The following INPP4B variants were observed in gnomAD, a reference collection of about 807,000 sequenced individuals.
INPP4B encodes inositol polyphosphate 4-phosphatase type II.
Under a neutral mutation model 122.5 loss-of-function variants are expected in INPP4B, and 55 were observed. The observed-to-expected ratio is 0.45, with a 90% CI of 0.36 to 0.56. INPP4B has a LOEUF of 0.56. Ranked by LOEUF, INPP4B falls within the 20% of genes least tolerant of loss-of-function variation. The pLI is 0.00. For synonymous variants in INPP4B, 403 were observed against 388.7 expected (o/e 1.04, Z -0.43); for missense variants, 1,000 against 1,097.7 (o/e 0.91, Z 1.26).
intron 2 of INPP4B, among the ~76,000 whole-genome samples, chr4:142,621,879 T>G (rs1309874879): frequency 2.0e-5 from 3 of 151,976 alleles, no homozygotes; most frequent in Non-Finnish European, 4.4e-5. Flanking sequence ...ATGCTTTAAG[T>G]AGTATAACTT....
At position 142,257,851 on chromosome 4, in the gene INPP4B, A is replaced by C. The variant is rs1287199392; in HGVS notation, c.688+2641T>G. On this transcript the variant is annotated intron_variant, in intron 11 of 25. Transcript: ENST00000262992. ...TTTCTTCACAGAATTGGAAAAAACT[A>C]CTTTCAAGTTCATATGGAACCAAAA... 2.6e-5 allele frequency among the ~76,000 whole-genome samples: 4 copies of C among 152,254 alleles called. No individual in the cohort carries two copies. The South Asian group carries it at 6.2e-4, about 24-fold the overall frequency.
intron 2 of INPP4B, among the ~76,000 whole-genome samples, chr4:142,574,138 T>G (rs533767969): frequency 1.1e-4 from 16 of 152,050 alleles, no homozygotes; most frequent in Admixed American, 3.3e-4. Context: ...TTCAAGACAT[T>G]ACAAAATTTG....
At chr4:142,195,659 G>A (rs999528036) in intron 14 of INPP4B, among the ~76,000 whole-genome samples, 12 of 152,062 alleles carry the variant, frequency 7.9e-5, no homozygotes, top group African/African-American at 2.9e-4. Context: ...TAAACTAAAT[G>A]TATTCTCACT....
intron 16 of INPP4B, among the ~76,000 whole-genome samples, chr4:142,162,092 C>T (rs953430351): frequency 6.6e-6 from 1 of 151,554 alleles, no homozygotes; most frequent in Non-Finnish European, 1.5e-5. Context: ...TACTTTACTG[C>T]TAAATTTTGT....
intron 12 of INPP4B, among the ~76,000 whole-genome samples, chr4:142,227,281 G>A (rs1048780516): frequency 2.6e-5 from 4 of 152,044 alleles, no homozygotes; most frequent in African/African-American, 9.7e-5. Flanking sequence ...AGGAGAATGC[G>A]CAGCCACAGC....
chr4:142,656,969 C>T (rs1754273327), intron 2 of INPP4B, among the ~76,000 whole-genome samples: 1 of 152,148 alleles, frequency 6.6e-6, no homozygotes, highest in African/African-American at 2.4e-5. Flanking sequence ...CTCCATCTTG[C>T]TTTACATCCT....
intron 7 of INPP4B, among the ~76,000 whole-genome samples, chr4:142,386,485 A>G (rs1014640060): frequency 2.0e-5 from 3 of 152,180 alleles, no homozygotes; most frequent in Admixed American, 2.0e-4. Flanking sequence ...ACCTAACTTA[A>G]TAGGTAGACA....
intron 2 of INPP4B, among the ~76,000 whole-genome samples, chr4:142,591,704 G>A (rs1440556103): frequency 1.3e-5 from 2 of 152,092 alleles, no homozygotes; most frequent in Non-Finnish European, 2.9e-5. Flanking sequence ...CCTCAACAGC[G>A]CTAAGTAATG....
At chr4:142,434,307 T>G (rs963938893) in intron 3 of INPP4B, among the ~76,000 whole-genome samples, 1 of 152,142 alleles carries the variant, frequency 6.6e-6, no homozygotes, top group Non-Finnish European at 1.5e-5. Flanking sequence ...GGAGACCAAG[T>G]CAGGGTTCAG....
intron 1 of INPP4B, among the ~76,000 whole-genome samples, chr4:142,761,379 T>G (rs1338519502): frequency 2.6e-5 from 4 of 152,108 alleles, no homozygotes; most frequent in African/African-American, 9.7e-5. Context: ...ATAGAGAAAA[T>G]GTACTACATC....
At chr4:142,394,926 C>A (rs566673218) in intron 7 of INPP4B, among the ~76,000 whole-genome samples, 2 of 152,234 alleles carry the variant, frequency 1.3e-5, no homozygotes, top group East Asian at 3.9e-4. Context: ...CTTCTAGTTC[C>A]TTTTAGTTTC....
chr4:142,139,509 G>A (rs918552402), intron 18 of INPP4B, among the ~76,000 whole-genome samples: 2 of 152,042 alleles, frequency 1.3e-5, no homozygotes, highest in African/African-American at 4.8e-5. Context: ...GTTTCCCCAT[G>A]TTGGCCAGGC....
chr4:142,474,480 G>T (rs1819481955), intron 2 of INPP4B: 1 of 151,516 alleles, frequency 6.6e-6, no homozygotes, highest in African/African-American at 2.4e-5. Context: ...TGACCACAGG[G>T]TGAGTAACCA....
chr4:142,680,356 T>C lies in INPP4B; in HGVS notation c.-191+45483A>G, dbSNP rs1022197991. 2.6e-4 allele frequency among the ~76,000 whole-genome samples: 40 copies of C among 151,864 alleles called. No homozygotes were observed. The Admixed American group carries it at 2.6e-3, about 10-fold the overall frequency. On this transcript the variant is annotated intron_variant, in intron 2 of 25. Coordinates refer to ENST00000262992, the MANE Select transcript of INPP4B (RefSeq NM_001101669.3). ...AAATCCTATTGCCCATTCTTACCTA[T>C]CATATCCCTCAAGGGAAGCACTTCA... is the stretch of plus-strand genomic sequence containing the variant.
chr4:142,414,288 T>C (rs543698797), intron 5 of INPP4B, among the ~76,000 whole-genome samples: 1 of 152,222 alleles, frequency 6.6e-6, no homozygotes, highest in East Asian at 1.9e-4. Context: ...AGAAATGTGC[T>C]GGGCTTTTAA....
chr4:142,735,131 A>C (rs1766673235), intron 1 of INPP4B, among the ~76,000 whole-genome samples: 1 of 152,096 alleles, frequency 6.6e-6, no homozygotes, highest in Admixed American at 6.5e-5. Flanking sequence ...TTTGACTTAG[A>C]TTTCTCCTCA....
chr4:142,320,296 T>C (rs932314537), intron 7 of INPP4B, among the ~76,000 whole-genome samples: 5 of 152,198 alleles, frequency 3.3e-5, no homozygotes, highest in African/African-American at 1.2e-4. Context: ...AACTAGGCTA[T>C]ATAATATGAC....
chr4:142,611,564 A>T (rs1172793436), intron 2 of INPP4B, among the ~76,000 whole-genome samples: 40 of 145,988 alleles, frequency 2.7e-4, no homozygotes, highest in Non-Finnish European at 4.5e-5. Context: ...AAAAAAAATT[A>T]TTTGTGTGCA....
intron 7 of INPP4B, among the ~76,000 whole-genome samples, chr4:142,377,193 TG>T (rs1437530691): frequency 6.6e-6 from 1 of 152,016 alleles, no homozygotes; most frequent in African/African-American, 2.4e-5. Context: ...CAATCTAACC[TG>T]GTTAAACATT....
Sources: gnomAD v4.1 joint callset for allele counts (sites outside exome capture counted in the v4.1 genomes callset) on GRCh38, gnomAD v4.1.1 for gene constraint, MANE v1.5 for transcripts, NCBI Gene and HGNC (gene_info 2026-07-23, HGNC 2026-07-21) for gene names.